ZFHX3: variants seen among roughly 807,000 people sequenced by gnomAD.
The protein encoded by ZFHX3 is zinc finger homeobox 3.
ZFHX3 carries 42 observed loss-of-function variants against 279.1 expected under a neutral mutation model. The observed-to-expected ratio is 0.15, with a 90% CI of 0.12 to 0.19. ZFHX3 has a LOEUF of 0.19. Ranked by LOEUF, ZFHX3 falls within the 10% of genes least tolerant of loss-of-function variation. The probability of loss-of-function intolerance (pLI) is 1.00; values close to 1 mark genes in which losing one functional copy is unlikely to be tolerated. For synonymous variants in ZFHX3, 2,293 were observed against 1,957.8 expected, an observed-to-expected ratio of 1.17 and a Z score of -4.52; for missense variants, 4,981 against 4,754.0, an observed-to-expected ratio of 1.05 and a Z score of -1.40.
Position 73,740,648 on chromosome 16 carries a change from C to T in ZFHX3, c.-1607-60408G>A, listed in dbSNP as rs996328577. 4.6e-5 allele frequency among the ~76,000 whole-genome samples: 7 copies of T among 152,272 alleles called. No homozygotes were observed. The South Asian group carries it at 1.5e-3, about 32-fold the overall frequency. ...AAAAGCAAAATACAAATACAAAATA[C>T]TTTGAAAGTTACTTCATCTTAAAGA... On this transcript the variant is annotated intron_variant, in intron 1 of 17. Transcript: ENST00000641206.
chr16:73,238,665 A>C (rs899781201), intron 5 of ZFHX3, among the ~76,000 whole-genome samples: 3 of 151,972 alleles, frequency 2.0e-5, no homozygotes, highest in Admixed American at 1.3e-4. Context: ...CCTTTGTGAG[A>C]TCCTTCTGAG....
chr16:72,935,283 G>T (rs577030474), intron 3 of ZFHX3, among the ~76,000 whole-genome samples: 1 of 152,130 alleles, frequency 6.6e-6, no homozygotes, highest in Admixed American at 6.5e-5. Flanking sequence ...CAAAAATGTG[G>T]TTCTCAGGGC....
At chr16:73,571,062 A>T (rs556953225) in intron 2 of ZFHX3, among the ~76,000 whole-genome samples, 1 of 141,948 alleles carries the variant, frequency 7.0e-6, no homozygotes, top group South Asian at 2.2e-4. Context: ...AATTATAAAG[A>T]ATAATTTTCT....
Position 73,496,681 on chromosome 16 carries a change from C to T in ZFHX3, c.-1546-40423G>A, listed in dbSNP as rs542501455. Among the ~76,000 whole-genome samples, 4 of 152,346 alleles carry T rather than the reference C, an allele frequency of 2.6e-5. No homozygotes were observed. In the South Asian group the frequency reaches 8.3e-4, roughly 32 times the overall value. ...CTCAGATTCAACCCTCCCTAGCCTT[C>T]TATTCTCCTCCATATTCTGTGGGGC... On this transcript the variant is annotated intron_variant, in intron 2 of 17. Transcript: ENST00000641206.
intron 2 of ZFHX3, among the ~76,000 whole-genome samples, chr16:73,566,688 CTT>C (rs35009584): frequency 0.19 from 22,309 of 119,444 alleles, 1,890 homozygotes; most frequent in African/African-American, 0.25. Flanking sequence ...ACCAAGCTAA[CTT>C]TTTTTTTTTT....
Position 73,381,644 on chromosome 16 carries a change from T to C in ZFHX3, c.-1290-63308A>G, listed in dbSNP as rs192437495. On this transcript the variant is annotated intron_variant, in intron 3 of 17. Transcript: ENST00000641206. ...CAAGCTTTTTCTATAAGGAGCCAGA[T>C]AGTAAATATTTTAGACCAGGAATAT... Among the ~76,000 whole-genome samples, 9 of 152,330 alleles carry C rather than the reference T, an allele frequency of 5.9e-5. No homozygotes were observed. The South Asian group carries it at 1.2e-3, about 21-fold the overall frequency.
At chr16:72,875,469 C>G (rs1297926742) in intron 4 of ZFHX3, among the ~76,000 whole-genome samples, 1 of 152,224 alleles carries the variant, frequency 6.6e-6, no homozygotes, top group African/African-American at 2.4e-5. Flanking sequence ...ATGTGACTAT[C>G]TACACAGCCT....
intron 1 of ZFHX3, among the ~76,000 whole-genome samples, chr16:73,717,643 G>A (rs1396902862): frequency 6.6e-6 from 1 of 152,140 alleles, no homozygotes; most frequent in East Asian, 1.9e-4. Context: ...GAGGAGGGTT[G>A]GAGCTTACTC....
chr16:73,348,111 T>G (rs1374286717), intron 3 of ZFHX3, among the ~76,000 whole-genome samples: 1 of 152,162 alleles, frequency 6.6e-6, no homozygotes. Flanking sequence ...TGTTTACTAA[T>G]CTTCTTGAAC....
chr16:72,857,837 T>G (rs1158786911), intron 4 of ZFHX3, among the ~76,000 whole-genome samples: 1 of 152,220 alleles, frequency 6.6e-6, no homozygotes, highest in Non-Finnish European at 1.5e-5. Context: ...CTCTGAAGGT[T>G]GTATAATTCA....
chr16:72,977,642 T>C (rs1321671283), intron 1 of ZFHX3, among the ~76,000 whole-genome samples: 2 of 151,692 alleles, frequency 1.3e-5, no homozygotes, highest in African/African-American at 4.8e-5. Flanking sequence ...CTGGGATCTC[T>C]ACGATTCACT....
intron 8 of ZFHX3, among the ~76,000 whole-genome samples, chr16:73,066,458 G>A (rs1483620928): frequency 1.3e-5 from 2 of 152,158 alleles, no homozygotes; most frequent in Admixed American, 6.5e-5. Flanking sequence ...TGGACTCCCG[G>A]GAGGAAGCCT....
chr16:73,106,353 T>C (rs1007499745), intron 7 of ZFHX3, among the ~76,000 whole-genome samples: 26 of 152,210 alleles, frequency 1.7e-4, no homozygotes, highest in African/African-American at 6.0e-4. Context: ...TGCCCATGCT[T>C]TTTGCATGGT....
Position 72,970,395 on chromosome 16 carries a change from C to T in ZFHX3, c.-49-10201G>A, listed in dbSNP as rs142968139. On this transcript the variant is annotated intron_variant, in intron 1 of 9. Coordinates refer to ENST00000268489, the MANE Select transcript of ZFHX3 (RefSeq NM_006885.4). ...AGTAACTGTATCTCACACTTGAGTA[C>T]GTAAGTCTCTACCCTGAGTCACGTG... Among the ~76,000 whole-genome samples the T allele has an allele frequency of 3.8e-4, 58 of 152,208 alleles. 2 individuals are homozygous for T. The South Asian group carries it at 7.9e-3, about 21-fold the overall frequency.
intron 1 of ZFHX3, among the ~76,000 whole-genome samples, chr16:72,981,262 G>A (rs11075955): frequency 0.15 from 22,887 of 152,038 alleles, 1,949 homozygotes; most frequent in Non-Finnish European, 0.2. Context: ...TATGCATCAC[G>A]CCTGGGCATA....
At chr16:73,618,688 T>C (rs904783749) in intron 2 of ZFHX3, among the ~76,000 whole-genome samples, 1 of 152,166 alleles carries the variant, frequency 6.6e-6, no homozygotes, top group Admixed American at 6.5e-5. Flanking sequence ...TGGAAACAGA[T>C]TTGAACTTTG....
intron 5 of ZFHX3, among the ~76,000 whole-genome samples, chr16:72,815,784 T>C (rs1181414401): frequency 6.6e-6 from 1 of 152,226 alleles, no homozygotes; most frequent in East Asian, 1.9e-4. Context: ...CAAGACATAG[T>C]TTAGACAATT....
intron 2 of ZFHX3, among the ~76,000 whole-genome samples, chr16:73,509,713 T>A (rs1222433705): frequency 7.4e-6 from 1 of 135,344 alleles, no homozygotes; most frequent in East Asian, 2.1e-4. Context: ...TTTTTTCTTT[T>A]GAGACAGGGT....
chr16:73,077,416 C>CT lies in ZFHX3; in HGVS notation c.-533+15818dup, dbSNP rs979908378. ...TAGGACACTGCGCACTTCCCTGTTT[C>CT]TTTTTTAAAAATAGAGGCATTAGTC... On this transcript the variant is annotated intron_variant, in intron 8 of 17. Transcript: ENST00000641206. Among the ~76,000 whole-genome samples the CT allele has an allele frequency of 7.3e-5, 11 of 151,384 alleles. No homozygotes were observed. In the South Asian group the frequency reaches 2.1e-3, roughly 29 times the overall value.
Sources: allele counts gnomAD v4.1 joint callset (sites outside exome capture counted in the v4.1 genomes callset), GRCh38; gene constraint gnomAD v4.1.1; transcripts MANE v1.5; gene names NCBI Gene and HGNC (gene_info 2026-07-23, HGNC 2026-07-21).